The following STX8 variants were observed in gnomAD, a reference collection of about 807,000 sequenced individuals.
STX8 encodes the protein syntaxin 8, also known as syntaxin-8.
In STX8, 23 loss-of-function variants were observed where a neutral mutation model predicts 37.5. The observed-to-expected ratio is 0.61, with a 90% CI of 0.44 to 0.87. The LOEUF (loss-of-function observed/expected upper bound fraction) is 0.87. STX8 is among the 40% of genes least tolerant of loss of function. STX8 has a pLI of 0.00. For missense variants in STX8, 313 were observed against 284.7 expected (o/e 1.10, Z -0.71); for synonymous variants, 115 against 99.1 (o/e 1.16, Z -0.95).
intron 3 of STX8, among the ~76,000 whole-genome samples, chr17:9,556,216 ATC>A (rs1265817224): frequency 1.3e-5 from 2 of 152,096 alleles, no homozygotes; most frequent in East Asian, 3.9e-4. Context: ...CCATTTTTTT[ATC>A]TAAAAAGCTG....
At chr17:9,503,253 A>C (rs1904691195) in intron 5 of STX8, among the ~76,000 whole-genome samples, 1 of 152,200 alleles carries the variant, frequency 6.6e-6, no homozygotes, top group South Asian at 2.1e-4. Flanking sequence ...ATAAAATTAT[A>C]GAAAATGGAA....
intron 4 of STX8, among the ~76,000 whole-genome samples, chr17:9,526,804 G>T (rs60469391): frequency 1.3e-5 from 2 of 151,070 alleles, no homozygotes; most frequent in Non-Finnish European, 1.5e-5. Flanking sequence ...TGGAGGTTGC[G>T]GTGAGCTGAC....
intron 7 of STX8, among the ~76,000 whole-genome samples, chr17:9,264,832 G>A (rs1220082219): frequency 6.6e-6 from 1 of 152,122 alleles, no homozygotes; most frequent in African/African-American, 2.4e-5. Context: ...AGAAAAGAAA[G>A]GCCAGGTGCA....
chr17:9,292,671 C>A (rs754431045), intron 7 of STX8, among the ~76,000 whole-genome samples: 2 of 152,218 alleles, frequency 1.3e-5, no homozygotes, highest in African/African-American at 2.4e-5. Flanking sequence ...TGGCATTGAA[C>A]CCCTTCAGCA....
intron 7 of STX8, among the ~76,000 whole-genome samples, chr17:9,370,557 C>T (rs140409144): frequency 4.2e-4 from 64 of 152,256 alleles, no homozygotes; most frequent in African/African-American, 1.3e-3. Flanking sequence ...CAATGGTCGT[C>T]GATTGAGACA....
chr17:9,269,635 G>A (rs1907378214), intron 7 of STX8, among the ~76,000 whole-genome samples: 1 of 152,194 alleles, frequency 6.6e-6, no homozygotes, highest in African/African-American at 2.4e-5. Context: ...TTGCAATATT[G>A]GCTGGCTTAT....
intron 3 of STX8, among the ~76,000 whole-genome samples, chr17:9,551,197 G>C (rs1906747342): frequency 6.6e-6 from 1 of 152,178 alleles, no homozygotes; most frequent in African/African-American, 2.4e-5. Context: ...ACAGTTTAAG[G>C]TTCTAGAGGT....
At chr17:9,383,187 A>C (rs1157914009) in intron 6 of STX8, among the ~76,000 whole-genome samples, 1 of 152,168 alleles carries the variant, frequency 6.6e-6, no homozygotes, top group African/African-American at 2.4e-5. Flanking sequence ...GAGAATTTCT[A>C]TTGTTTATAA....
At chr17:9,444,255 T>G (rs988920129) in intron 6 of STX8, among the ~76,000 whole-genome samples, 1 of 152,188 alleles carries the variant, frequency 6.6e-6, no homozygotes, top group Non-Finnish European at 1.5e-5. Context: ...TCCCAAAGCA[T>G]TGGGATTACA....
chr17:9,569,399 T>G (rs1907594739), intron 1 of STX8: 3 of 154,526 alleles, frequency 1.9e-5, no homozygotes, highest in African/African-American at 7.2e-5. Flanking sequence ...GTGAAGAAGC[T>G]GGGCTTGCAG....
intron 7 of STX8, among the ~76,000 whole-genome samples, chr17:9,328,747 T>C (rs1361813968): frequency 6.6e-6 from 1 of 152,056 alleles, no homozygotes; most frequent in East Asian, 1.9e-4. Context: ...CCTTCAGACA[T>C]GTAATTAAGA....
chr17:9,511,765 T>A (rs1404645261), intron 4 of STX8, among the ~76,000 whole-genome samples: 1 of 151,980 alleles, frequency 6.6e-6, no homozygotes, highest in East Asian at 1.9e-4. Context: ...AAGTAATAAA[T>A]GGCATTAAAA....
At chr17:9,567,209 T>C (rs1158584776) in intron 2 of STX8, among the ~76,000 whole-genome samples, 1 of 152,182 alleles carries the variant, frequency 6.6e-6, no homozygotes, top group Non-Finnish European at 1.5e-5. Context: ...CTAGGCTTCA[T>C]ACCTGGGTGA....
intron 6 of STX8, among the ~76,000 whole-genome samples, chr17:9,473,635 T>C (rs954043033): frequency 7.2e-5 from 11 of 152,166 alleles, no homozygotes; most frequent in African/African-American, 2.2e-4. Context: ...AGTCTGCACA[T>C]GTTCAGTGCA....
chr17:9,254,805 CAG>C (rs962069146), intron 7 of STX8, among the ~76,000 whole-genome samples: 1 of 152,136 alleles, frequency 6.6e-6, no homozygotes, highest in Non-Finnish European at 1.5e-5. Flanking sequence ...GTACCTAGAA[CAG>C]AGCCTGGCAC....
intron 4 of STX8, among the ~76,000 whole-genome samples, chr17:9,535,668 A>G (rs577091134): frequency 4.4e-4 from 67 of 151,846 alleles, no homozygotes; most frequent in African/African-American, 1.4e-3. Context: ...TCCTGACCTC[A>G]TGATCTGCCC....
intron 5 of STX8, among the ~76,000 whole-genome samples, chr17:9,500,664 C>T (rs532058325): frequency 2.0e-5 from 3 of 152,264 alleles, no homozygotes; most frequent in Admixed American, 1.3e-4. Flanking sequence ...TTTTGATATA[C>T]AAGCAACAAT....
chr17:9,360,036 G>A (rs1486918469), intron 7 of STX8, among the ~76,000 whole-genome samples: 1 of 151,720 alleles, frequency 6.6e-6, no homozygotes, highest in African/African-American at 2.4e-5. Context: ...CATTTTTTGA[G>A]GTATTGTTTC....
intron 6 of STX8, among the ~76,000 whole-genome samples, chr17:9,449,164 A>T (rs1469568449): frequency 6.6e-6 from 1 of 152,200 alleles, no homozygotes; most frequent in Non-Finnish European, 1.5e-5. Flanking sequence ...CAAGAGAAAT[A>T]AAAACAATTG....
Sources: allele counts gnomAD v4.1 joint callset (sites outside exome capture counted in the v4.1 genomes callset), GRCh38; gene constraint gnomAD v4.1.1; transcripts MANE v1.5; gene names NCBI Gene and HGNC (gene_info 2026-07-23, HGNC 2026-07-21).